ANK3: variants seen among roughly 807,000 people sequenced by gnomAD.
The protein encoded by ANK3 is ankyrin 3.
Under a neutral mutation model 370.9 loss-of-function variants are expected in ANK3, and 57 were observed. The observed-to-expected ratio is 0.15, with a 90% CI of 0.12 to 0.19. The LOEUF is 0.19. ANK3 is among the 10% of genes least tolerant of loss of function. ANK3 has a pLI of 1.00. For missense variants in ANK3, 4,439 were observed against 5,302.1 expected (o/e 0.84, Z 5.06); for synonymous variants, 1,929 against 1,946.3 (o/e 0.99, Z 0.23).
chr10:60,160,536 C>T (rs1339339368), intron 23 of ANK3, among the ~76,000 whole-genome samples: 3 of 152,048 alleles, frequency 2.0e-5, no homozygotes, highest in East Asian at 1.9e-4. Context: ...GGGAACACTT[C>T]CAAACTCATT....
intron 2 of ANK3, among the ~76,000 whole-genome samples, chr10:60,496,636 T>C (rs933162212): frequency 1.3e-5 from 2 of 150,752 alleles, no homozygotes; most frequent in Non-Finnish European, 2.9e-5. Context: ...GCTCAATTTA[T>C]CCAACTTTAA....
At chr10:60,125,085 T>C (rs10821681) in intron 25 of ANK3, among the ~76,000 whole-genome samples, 42,343 of 151,984 alleles carry the variant, frequency 0.28, 6,663 homozygotes, top group Non-Finnish European at 0.36. Flanking sequence ...ATGGATTCCA[T>C]AAAAGGAAAC....
intron 2 of ANK3, among the ~76,000 whole-genome samples, chr10:60,459,775 C>A (rs2064837810): frequency 6.6e-6 from 1 of 152,126 alleles, no homozygotes; most frequent in Non-Finnish European, 1.5e-5. Context: ...TCAATGGGCT[C>A]CTAGTAATTT....
intron 1 of ANK3, among the ~76,000 whole-genome samples, chr10:60,662,623 G>A (rs918028349): frequency 6.6e-6 from 1 of 152,120 alleles, no homozygotes; most frequent in Non-Finnish European, 1.5e-5. Context: ...TATACTGACC[G>A]ATTTCTTAAG....
chr10:60,149,366 G>C (rs1466717584), intron 23 of ANK3, among the ~76,000 whole-genome samples: 1 of 152,154 alleles, frequency 6.6e-6, no homozygotes, highest in East Asian at 1.9e-4. Flanking sequence ...GTTACATTAG[G>C]ACAACCTTCC....
At chr10:60,295,625 C>T (rs1467131516) in intron 1 of ANK3, among the ~76,000 whole-genome samples, 2 of 152,138 alleles carry the variant, frequency 1.3e-5, no homozygotes, top group Admixed American at 6.5e-5. Context: ...GATCTGTCTA[C>T]AGCAGCGGTT....
chr10:60,083,796 CTG>C (rs1194757382), intron 32 of ANK3, 179 bp from the exon 33 acceptor site: 22 of 529,908 alleles, frequency 4.2e-5, no homozygotes, highest in Non-Finnish European at 2.3e-5. Flanking sequence ...AACTCACCAA[CTG>C]TAATTGGAAT....
chr10:60,597,147 T>C lies in ANK3; in HGVS notation c.96+18039A>G, dbSNP rs186041146. Among the ~76,000 whole-genome samples, 27 of 152,298 alleles carry C rather than the reference T, an allele frequency of 1.8e-4. No individual in the cohort carries two copies. The East Asian group carries it at 4.8e-3, about 27-fold the overall frequency. Reference sequence around the variant, plus strand: ...GAAACCATTAAATCAACTGTTCTTTTACAGAGTTTTAGACCAGGAGACTAC... The same window carrying C: ...GAAACCATTAAATCAACTGTTCTTTCACAGAGTTTTAGACCAGGAGACTAC... On this transcript the variant is annotated intron_variant, in intron 2 of 43. Coordinates refer to the ANK3 transcript ENST00000373827.
intron 2 of ANK3, among the ~76,000 whole-genome samples, chr10:60,548,864 A>G (rs1435718683): frequency 6.6e-6 from 1 of 152,146 alleles, no homozygotes; most frequent in Non-Finnish European, 1.5e-5. Context: ...ATGGCTAGGA[A>G]AGCTAAAGAT....
chr10:60,191,733 C>T (rs889310435), intron 16 of ANK3, among the ~76,000 whole-genome samples: 4 of 151,964 alleles, frequency 2.6e-5, no homozygotes, highest in African/African-American at 4.8e-5. Context: ...GGTTAGATAC[C>T]GCTGGTTAGG....
chr10:60,707,197 T>G (rs2079632905), intron 1 of ANK3, among the ~76,000 whole-genome samples: 8 of 152,202 alleles, frequency 5.3e-5, no homozygotes, highest in Admixed American at 5.2e-4. Flanking sequence ...AATTTTAGAC[T>G]ACAGATGTCC....
intron 16 of ANK3, among the ~76,000 whole-genome samples, chr10:60,195,567 T>C (rs1381420897): frequency 1.3e-5 from 2 of 152,142 alleles, no homozygotes; most frequent in Non-Finnish European, 2.9e-5. Flanking sequence ...TCTATTAACC[T>C]GTCTTTAAGG....
intron 2 of ANK3, among the ~76,000 whole-genome samples, chr10:60,425,657 C>T (rs772013892): frequency 6.6e-6 from 1 of 152,214 alleles, no homozygotes; most frequent in Admixed American, 6.5e-5. Flanking sequence ...CAGGCAGTTT[C>T]CTTGCCTAAA....
At chr10:60,414,417 T>C (rs2063619718) in intron 2 of ANK3, among the ~76,000 whole-genome samples, 1 of 152,126 alleles carries the variant, frequency 6.6e-6, no homozygotes, top group Non-Finnish European at 1.5e-5. Context: ...TTTATAACAA[T>C]GAAGATCGAT....
At chr10:60,646,833 G>T (rs537489001) in intron 1 of ANK3, among the ~76,000 whole-genome samples, 3 of 152,250 alleles carry the variant, frequency 2.0e-5, no homozygotes, top group Non-Finnish European at 2.9e-5. Flanking sequence ...TAAGGACAAG[G>T]AATATGAGCC....
At chr10:60,725,170 C>T (rs2079923649) in intron 1 of ANK3, among the ~76,000 whole-genome samples, 1 of 152,162 alleles carries the variant, frequency 6.6e-6, no homozygotes, top group Non-Finnish European at 1.5e-5. Context: ...ACTTCACACT[C>T]TTATCTTTTC....
In ANK3 at chr10:60,733,320, G is replaced by C. The variant is rs2080054726; in HGVS notation, c.-1C>G. ...GAGAGGAGGAGGCGGAGGAGGCCATGTTGTGGGGCTGCTGCTGCTGCTCCT... is the reference window on the plus strand; with the variant it reads ...GAGAGGAGGAGGCGGAGGAGGCCATCTTGTGGGGCTGCTGCTGCTGCTCCT... On this transcript the variant is annotated 5_prime_UTR_variant, in exon 1 of 44. Coordinates refer to the ANK3 transcript ENST00000373827. The C allele has an allele frequency of 3.2e-6, 4 of 1,234,468 alleles. No homozygotes were observed. The South Asian group carries it at 1.6e-4, about 50-fold the overall frequency. 76.5% of individuals were successfully genotyped at this position (1,234,468 alleles called of 1,614,324 possible). A position where few individuals can be genotyped will look rare whatever the true frequency, so the allele number is the denominator to read the frequency against.
intron 1 of ANK3, among the ~76,000 whole-genome samples, chr10:60,680,144 A>G (rs2079176011): frequency 6.6e-6 from 1 of 151,592 alleles, no homozygotes; most frequent in Non-Finnish European, 1.5e-5. Flanking sequence ...CGGGAAAAAA[A>G]AAAAAAGGAA....
At chr10:60,595,374 G>A (rs528554533) in intron 2 of ANK3, among the ~76,000 whole-genome samples, 2 of 152,258 alleles carry the variant, frequency 1.3e-5, no homozygotes, top group Non-Finnish European at 2.9e-5. Flanking sequence ...GGGGAATGCT[G>A]ATTGGTTATG....
Sources: allele counts gnomAD v4.1 joint callset (sites outside exome capture counted in the v4.1 genomes callset), GRCh38; gene constraint gnomAD v4.1.1; transcripts MANE v1.5; gene names NCBI Gene and HGNC (gene_info 2026-07-23, HGNC 2026-07-21).